The following SLCO6A1 variants were observed in gnomAD, a reference collection of about 807,000 sequenced individuals.
The protein encoded by SLCO6A1 is cancer/testis antigen 48.
SLCO6A1 carries 65 observed loss-of-function variants against 72.7 expected under a neutral mutation model. The ratio of observed to expected loss-of-function variants is 0.89; its 90% CI spans 0.73 to 1.10. SLCO6A1 has a LOEUF of 1.10. SLCO6A1 is among the 50% of genes least tolerant of loss of function. SLCO6A1 has a pLI of 0.00. For synonymous variants in SLCO6A1, 314 were observed against 298.2 expected, an observed-to-expected ratio of 1.05 and a Z score of -0.55; for missense variants, 874 against 872.6, an observed-to-expected ratio of 1.00 and a Z score of -0.02.
chr5:102,435,383 C>A (rs955879663), intron 7 of SLCO6A1, among the ~76,000 whole-genome samples: 1 of 152,048 alleles, frequency 6.6e-6, no homozygotes, highest in Non-Finnish European at 1.5e-5. Context: ...TATACTATGA[C>A]TGCTGTTAAA....
intron 7 of SLCO6A1, among the ~76,000 whole-genome samples, chr5:102,436,648 C>G (rs946959019): frequency 6.6e-6 from 1 of 152,118 alleles, no homozygotes; most frequent in African/African-American, 2.4e-5. Context: ...TCCCCATGAG[C>G]TACAAATCTC....
In SLCO6A1 at chr5:102,477,876, A is replaced by G. The variant is rs1440046885; in HGVS notation, c.617-15T>C. 1 of 1,583,206 alleles carries G rather than the reference A, an allele frequency of 6.3e-7. No individual in the cohort carries two copies. The highest frequency in any genetic ancestry group is 2.3e-5 in the East Asian group (1 of 44,430). On this transcript the variant is annotated splice_polypyrimidine_tract_variant and intron_variant, in intron 2 of 13. Coordinates refer to ENST00000506729, the MANE Select transcript of SLCO6A1 (RefSeq NM_173488.5). ...TTCGCAAATATCTTTTGAAAATACAATGATTATATTTTTGTTAATTGAACT... is the reference window on the plus strand; with the variant it reads ...TTCGCAAATATCTTTTGAAAATACAGTGATTATATTTTTGTTAATTGAACT...
At chr5:102,376,635 A>G (rs1157972151) in intron 12 of SLCO6A1, among the ~76,000 whole-genome samples, 2 of 152,208 alleles carry the variant, frequency 1.3e-5, no homozygotes, top group Non-Finnish European at 2.9e-5. Context: ...CACAAATACA[A>G]TGATACAATC....
chr5:102,418,410 G>T (rs940098477), intron 8 of SLCO6A1, among the ~76,000 whole-genome samples: 2 of 151,820 alleles, frequency 1.3e-5, no homozygotes, highest in African/African-American at 4.8e-5. Context: ...ATAATATCTT[G>T]ATATATTTTT....
At chr5:102,405,552 G>A (rs533768739) in intron 9 of SLCO6A1, among the ~76,000 whole-genome samples, 56 of 152,058 alleles carry the variant, frequency 3.7e-4, no homozygotes, top group Admixed American at 1.8e-3. Context: ...AGAAAATAAT[G>A]ATCACCCCAG....
intron 10 of SLCO6A1, among the ~76,000 whole-genome samples, chr5:102,392,049 A>G (rs549592417): frequency 3.8e-4 from 57 of 151,898 alleles, no homozygotes; most frequent in African/African-American, 1.3e-3. Context: ...CTCAATACTT[A>G]CTTTTTGTTT....
At chr5:102,465,781 G>A (rs948466403) in intron 4 of SLCO6A1, among the ~76,000 whole-genome samples, 12 of 152,000 alleles carry the variant, frequency 7.9e-5, no homozygotes, top group Non-Finnish European at 1.8e-4. Flanking sequence ...ACTTCACCTG[G>A]TGAGGTGACC....
intron 4 of SLCO6A1, among the ~76,000 whole-genome samples, chr5:102,472,907 C>T (rs536239788): frequency 2.6e-5 from 4 of 152,034 alleles, no homozygotes; most frequent in South Asian, 2.1e-4. Flanking sequence ...TAGAAACATT[C>T]AACCTACCAA....
chr5:102,391,105 T>C, intron 10 of SLCO6A1, 60 bp from the exon 11 acceptor site: 2 of 1,457,174 alleles, frequency 1.4e-6, no homozygotes, highest in East Asian at 2.3e-5. Context: ...TAAGAATGTA[T>C]GCTAGATTCA....
At chr5:102,423,966 AAC>A (rs1213833430) in intron 7 of SLCO6A1, among the ~76,000 whole-genome samples, 8 of 152,238 alleles carry the variant, frequency 5.3e-5, no homozygotes, top group South Asian at 2.1e-4. Flanking sequence ...AGGATTAAGA[AAC>A]ACACTCAAAA....
At chr5:102,427,670 C>T (rs1748968773) in intron 7 of SLCO6A1, among the ~76,000 whole-genome samples, 2 of 151,132 alleles carry the variant, frequency 1.3e-5, no homozygotes, top group South Asian at 4.2e-4. Flanking sequence ...AGAAAAAGGA[C>T]ATTAGGTAAA....
intron 9 of SLCO6A1, among the ~76,000 whole-genome samples, chr5:102,410,008 C>T (rs1222434441): frequency 1.3e-5 from 2 of 152,038 alleles, no homozygotes; most frequent in African/African-American, 4.8e-5. Flanking sequence ...TTTGGGGTGT[C>T]ACTTTGGAGG....
intron 4 of SLCO6A1, among the ~76,000 whole-genome samples, chr5:102,473,916 CAAAT>C (rs1751760607): frequency 6.6e-6 from 1 of 151,700 alleles, no homozygotes. Context: ...ATTAAAGACA[CAAAT>C]AGATGTAAAG....
chr5:102,379,426 G>A (rs928383062), intron 12 of SLCO6A1, among the ~76,000 whole-genome samples: 29 of 152,008 alleles, frequency 1.9e-4, no homozygotes, highest in Admixed American at 9.2e-4. Context: ...TATGTAATGC[G>A]TCTGGAACTG....
chr5:102,434,360 A>T (rs2112664630), intron 7 of SLCO6A1, among the ~76,000 whole-genome samples: 1 of 152,236 alleles, frequency 6.6e-6, no homozygotes, highest in Middle Eastern at 3.4e-3. Flanking sequence ...ACTATAAAAG[A>T]CCTGGGTTCC....
rs140218702 is a variant in SLCO6A1, at chr5:102,374,497, C to CCA, written c.2018-1005_2018-1004dup. ...TAGAAATGGGATCTTGCTAGTTTGC[C>CCA]CAGGCTGGTCTTGAACTCCTGGCCT... On this transcript the variant is annotated intron_variant, in intron 12 of 13. Coordinates refer to ENST00000506729, the MANE Select transcript of SLCO6A1 (RefSeq NM_173488.5). 5.8e-3 allele frequency among the ~76,000 whole-genome samples: 881 copies of CCA among 152,190 alleles called. 8 individuals carry two copies. Among genetic ancestry groups the CCA allele is most frequent in the African/African-American group, 0.02 (846 of 41,526 alleles).
intron 8 of SLCO6A1, among the ~76,000 whole-genome samples, chr5:102,415,226 A>G (rs1748216836): frequency 6.6e-6 from 1 of 152,186 alleles, no homozygotes; most frequent in Non-Finnish European, 1.5e-5. Flanking sequence ...ATATACAAAC[A>G]AAACTAGAAG....
chr5:102,405,789 T>C (rs776259250), intron 9 of SLCO6A1, among the ~76,000 whole-genome samples: 2 of 152,084 alleles, frequency 1.3e-5, no homozygotes, highest in African/African-American at 2.4e-5. Flanking sequence ...TTTCATAAGA[T>C]ATTTTAAGTA....
At chr5:102,485,294 A>AAAT (rs201053882) in intron 1 of SLCO6A1, among the ~76,000 whole-genome samples, 3,952 of 113,628 alleles carry the variant, frequency 0.035, 52 homozygotes, top group African/African-American at 0.055. Flanking sequence ...ATAAATAAAT[A>AAAT]AAATAAAATA....
Sources: gnomAD v4.1 joint callset for allele counts (sites outside exome capture counted in the v4.1 genomes callset) on GRCh38, gnomAD v4.1.1 for gene constraint, MANE v1.5 for transcripts, NCBI Gene and HGNC (gene_info 2026-07-23, HGNC 2026-07-21) for gene names.